The following SORCS2 variants were observed in gnomAD, a reference collection of about 807,000 sequenced individuals.
SORCS2 encodes VPS10 domain-containing receptor SorCS2.
In SORCS2, 100 loss-of-function variants were observed where a neutral mutation model predicts 141.6. The ratio of observed to expected loss-of-function variants is 0.71; its 90% confidence interval spans 0.60 to 0.83. SORCS2 has a LOEUF of 0.83. SORCS2 is among the 40% of genes least tolerant of loss of function. The pLI is 0.00. For missense variants in SORCS2, 1,646 were observed against 1,560.2 expected (o/e 1.05, Z -0.93); for synonymous variants, 789 against 676.9 (o/e 1.17, Z -2.57).
chr4:7,360,669 C>T (rs1314901416), intron 1 of SORCS2, among the ~76,000 whole-genome samples: 1 of 139,010 alleles, frequency 7.2e-6, no homozygotes, highest in Non-Finnish European at 1.5e-5. Flanking sequence ...GCTTCGACCT[C>T]CCAGGCTCAA....
chr4:7,287,258 A>G (rs1716287326), intron 1 of SORCS2, among the ~76,000 whole-genome samples: 1 of 152,198 alleles, frequency 6.6e-6, no homozygotes, highest in African/African-American at 2.4e-5. Context: ...GGTGCCACAG[A>G]CCACAAGGCG....
chr4:7,662,764 G>T (rs1335076167), intron 6 of SORCS2, among the ~76,000 whole-genome samples: 1 of 152,148 alleles, frequency 6.6e-6, no homozygotes, highest in Non-Finnish European at 1.5e-5. Context: ...TTTCATCTAG[G>T]TGGCTCCTGC....
rs926277951 is a variant in SORCS2, at chr4:7,485,753, G to T, written c.549-45777G>T. Among the ~76,000 whole-genome samples, 5 of 152,218 alleles carry T rather than the reference G, an allele frequency of 3.3e-5. No individual in the cohort carries two copies. The South Asian group carries it at 1.0e-3, about 31-fold the overall frequency. The stretch of plus-strand genomic sequence containing the variant: ...GGGGGTGGCTAGATGCAGCTAGCAG[G>T]TGCCCACTGTGGGCCCAGGGGAGCC... On this transcript the variant is annotated intron_variant, in intron 2 of 26. Transcript: ENST00000507866.
At chr4:7,392,911 G>C (rs915424223) in intron 1 of SORCS2, among the ~76,000 whole-genome samples, 1 of 114,606 alleles carries the variant, frequency 8.7e-6, no homozygotes, top group Non-Finnish European at 2.0e-5. Context: ...GGGGGGGGGG[G>C]TGCTGCGAGA....
At chr4:7,383,411 T>C (rs529010082) in intron 1 of SORCS2, among the ~76,000 whole-genome samples, 42 of 152,280 alleles carry the variant, frequency 2.8e-4, no homozygotes, top group African/African-American at 1.0e-3. Flanking sequence ...AGGCAGCGCT[T>C]CCTTTGTGCC....
chr4:7,705,038 C>G (rs1306679339), intron 14 of SORCS2, among the ~76,000 whole-genome samples: 2 of 152,214 alleles, frequency 1.3e-5, no homozygotes. Context: ...TTCCCGGAAC[C>G]ATGAATGGGA....
intron 1 of SORCS2, among the ~76,000 whole-genome samples, chr4:7,254,346 G>A (rs1206098254): frequency 6.6e-6 from 1 of 152,204 alleles, no homozygotes; most frequent in Non-Finnish European, 1.5e-5. Context: ...CCATAAAAAA[G>A]TATGAAAGCA....
intron 1 of SORCS2, among the ~76,000 whole-genome samples, chr4:7,387,401 A>T (rs1242367931): frequency 1.6e-5 from 1 of 62,984 alleles, no homozygotes; most frequent in Non-Finnish European, 3.3e-5. Flanking sequence ...GCACACACAG[A>T]TACACAGAAA....
intron 15 of SORCS2, among the ~76,000 whole-genome samples, 188 bp from the exon 16 acceptor site, chr4:7,714,052 G>C (rs1726017921): frequency 6.6e-6 from 1 of 152,238 alleles, no homozygotes; most frequent in Non-Finnish European, 1.5e-5. Context: ...ATGCCCATGG[G>C]TTGGGATGAG....
chr4:7,591,784 C>T (rs563230155), intron 3 of SORCS2, among the ~76,000 whole-genome samples: 56 of 152,290 alleles, frequency 3.7e-4, no homozygotes, highest in African/African-American at 1.3e-3. Context: ...GCCTCTGACC[C>T]CGGCGGGCCT....
In SORCS2 at chr4:7,667,011, G is replaced by C. The variant is rs113914614; in HGVS notation, c.1072-113G>C. 1,866 of 947,752 alleles carry C rather than the reference G, an allele frequency of 2.0e-3. 18 individuals are homozygous for C. Among genetic ancestry groups the C allele is most frequent in the African/African-American group, 0.018 (1,130 of 61,686 alleles). 58.7% of individuals were successfully genotyped at this position (947,752 alleles called of 1,614,324 possible). ...TCATTTCAAGCAGAACAGGTAGAAGGAAAGTAAAAGGGCATTTTCACTTGC... is the reference window on the plus strand; with the variant it reads ...TCATTTCAAGCAGAACAGGTAGAAGCAAAGTAAAAGGGCATTTTCACTTGC... On this transcript the variant is annotated intron_variant, in intron 7 of 26. Transcript: ENST00000507866.
intron 3 of SORCS2, among the ~76,000 whole-genome samples, chr4:7,618,375 G>C (rs1439352954): frequency 2.0e-5 from 3 of 152,122 alleles, no homozygotes; most frequent in African/African-American, 7.2e-5. Context: ...CAGGACCCCA[G>C]CCCCTCTGTC....
intron 3 of SORCS2, among the ~76,000 whole-genome samples, chr4:7,609,397 G>T (rs535378017): frequency 2.0e-5 from 3 of 152,136 alleles, no homozygotes; most frequent in African/African-American, 7.2e-5. Context: ...GATCAATGTG[G>T]CAGTCAAGGC....
chr4:7,481,713 A>G (rs1281878820), intron 2 of SORCS2, among the ~76,000 whole-genome samples: 1 of 152,096 alleles, frequency 6.6e-6, no homozygotes, highest in Non-Finnish European at 1.5e-5. Flanking sequence ...GGAGGGCACT[A>G]CTGAGAAACT....
At chr4:7,446,724 G>A (rs967109659) in intron 2 of SORCS2, among the ~76,000 whole-genome samples, 7 of 152,176 alleles carry the variant, frequency 4.6e-5, no homozygotes, top group Admixed American at 2.0e-4. Flanking sequence ...GTGCACCCTA[G>A]TTTTAATGCC....
chr4:7,427,378 GTAGAGGTT>G (rs1231958436), intron 2 of SORCS2, among the ~76,000 whole-genome samples: 1 of 152,178 alleles, frequency 6.6e-6, no homozygotes, highest in Non-Finnish European at 1.5e-5. Flanking sequence ...TCCCTGGGCT[GTAGAGGTT>G]TGGAAAGAGA....
rs55865108 is a variant in SORCS2 at position 7,676,237 on chromosome 4, C to T, written c.1341+8C>T. 63,981 of 1,549,322 alleles carry T rather than the reference C, an allele frequency of 0.041. 1,511 individuals carry two copies. The highest frequency in any genetic ancestry group is 0.079 in the African/African-American group (5,778 of 73,066). ...CTCATCGACATCCTGGAGGTGGGTC[C>T]AGGGTGGATGTGGGCCAGGTCTGCC... On this transcript the variant is annotated splice_region_variant and intron_variant, in intron 9 of 26. Transcript: ENST00000507866.
At chr4:7,486,857 A>G (rs926784393) in intron 2 of SORCS2, among the ~76,000 whole-genome samples, 1 of 152,200 alleles carries the variant, frequency 6.6e-6, no homozygotes, top group South Asian at 2.1e-4. Flanking sequence ...TGGATAGTCC[A>G]TGATATAATC....
At chr4:7,522,451 T>C (rs1733388598) in intron 2 of SORCS2, among the ~76,000 whole-genome samples, 1 of 152,214 alleles carries the variant, frequency 6.6e-6, no homozygotes, top group Admixed American at 6.5e-5. Context: ...TTGGAATAAA[T>C]GTAGATTGGA....
Sources: allele counts gnomAD v4.1 joint callset (sites outside exome capture counted in the v4.1 genomes callset), GRCh38; gene constraint gnomAD v4.1.1; transcripts MANE v1.5; gene names NCBI Gene and HGNC (gene_info 2026-07-23, HGNC 2026-07-21).